FAM78B: variants seen among roughly 807,000 people sequenced by gnomAD.
FAM78B encodes family with sequence similarity 78 member B.
In FAM78B, 10 loss-of-function variants were observed where a neutral mutation model predicts 20.0. That is an observed-to-expected ratio of 0.50 (90% confidence interval 0.31 to 0.85). The LOEUF is 0.85. Ranked by LOEUF, FAM78B falls within the 40% of genes least tolerant of loss-of-function variation. FAM78B has a pLI of 0.05. For synonymous variants in FAM78B, 135 were observed against 132.8 expected, an observed-to-expected ratio of 1.02 and a Z score of -0.12; for missense variants, 283 against 345.0, an observed-to-expected ratio of 0.82 and a Z score of 1.42.
Position 166,161,742 on chromosome 1 carries a change from G to A in FAM78B, c.263+4244C>T, listed in dbSNP as rs548006436. ...GGGTGACATACAGATGGTTTCGCTT[G>A]AGCAACTCAAAGAGTGGAGGTGTTG... On this transcript the variant is annotated intron_variant, in intron 1 of 1. Coordinates refer to ENST00000354422, the MANE Select transcript of FAM78B (RefSeq NM_001017961.5). Among the ~76,000 whole-genome samples the A allele has an allele frequency of 1.2e-4, 18 of 152,322 alleles. No individual in the cohort carries two copies. In the East Asian group the frequency reaches 1.9e-3, roughly 16 times the overall value.
At chr1:166,148,691 C>A (rs538785560) in intron 1 of FAM78B, among the ~76,000 whole-genome samples, 2 of 152,358 alleles carry the variant, frequency 1.3e-5, no homozygotes, top group African/African-American at 4.8e-5. Context: ...AGAGAGGAGA[C>A]AACCTGTGCT....
rs1655867572 is a variant in FAM78B, at chr1:166,155,757, C to T, written c.263+10229G>A. Among the ~76,000 whole-genome samples the T allele has an allele frequency of 4.6e-5, 7 of 152,178 alleles. No individual in the cohort carries two copies. The South Asian group carries it at 1.5e-3, about 32-fold the overall frequency. ...TGCCCAGCTCAGGTGTGGGGACTGCCATTTTGGAATGGAGGCTCAGCGTGT... is the reference window on the plus strand; with the variant it reads ...TGCCCAGCTCAGGTGTGGGGACTGCTATTTTGGAATGGAGGCTCAGCGTGT... On this transcript the variant is annotated intron_variant, in intron 1 of 1. Coordinates refer to ENST00000354422, the MANE Select transcript of FAM78B (RefSeq NM_001017961.5).
chr1:166,154,767 G>A (rs956176621), intron 1 of FAM78B: 9 of 508,304 alleles, frequency 1.8e-5, no homozygotes, highest in African/African-American at 1.2e-4. Context: ...CCATGGACCT[G>A]AGTCTGAATC....
chr1:166,083,693 C>T (rs868561524), intron 1 of FAM78B, among the ~76,000 whole-genome samples: 2 of 151,848 alleles, frequency 1.3e-5, no homozygotes, highest in Non-Finnish European at 2.9e-5. Context: ...TTAGTAGAGA[C>T]GGGTTTCACT....
At chr1:166,088,742 G>C (rs907565776) in intron 1 of FAM78B, among the ~76,000 whole-genome samples, 1 of 152,144 alleles carries the variant, frequency 6.6e-6, no homozygotes, top group Non-Finnish European at 1.5e-5. Flanking sequence ...GGACTGACCC[G>C]AAGTATTTGG....
intron 1 of FAM78B, chr1:166,082,479 T>A (rs1027784903): frequency 3.3e-5 from 5 of 152,236 alleles, no homozygotes; most frequent in Admixed American, 6.5e-5. Flanking sequence ...AGTGTTGGGA[T>A]TATGGGCATA....
At chr1:166,129,998 C>T (rs1654815358) in intron 1 of FAM78B, among the ~76,000 whole-genome samples, 1 of 152,236 alleles carries the variant, frequency 6.6e-6, no homozygotes, top group Non-Finnish European at 1.5e-5. Context: ...TGGGTCACTG[C>T]TCCCTCTGAT....
chr1:166,166,553 G>C lies in FAM78B; in HGVS notation c.-305C>G, dbSNP rs1381196882. The C allele has an allele frequency of 6.6e-6, 1 of 151,624 alleles. No homozygotes were observed. The highest frequency in any genetic ancestry group is 1.5e-5 in the Non-Finnish European group (1 of 68,220). 9.4% of individuals were successfully genotyped at this position (151,624 alleles called of 1,614,324 possible). On this transcript the variant is annotated 5_prime_UTR_variant, in exon 1 of 2. Coordinates refer to ENST00000354422, the MANE Select transcript of FAM78B (RefSeq NM_001017961.5). ...GGCTCCAGCGCCCGGGCGGAGGGCA[G>C]GGAGGGGAGCGGCGCTGCGAGGAAT...
chr1:166,124,974 T>C (rs1482011158), intron 1 of FAM78B, among the ~76,000 whole-genome samples: 3 of 152,236 alleles, frequency 2.0e-5, no homozygotes, highest in African/African-American at 7.2e-5. Context: ...AAATGTCTCT[T>C]CCCAACTCAG....
intron 1 of FAM78B, among the ~76,000 whole-genome samples, chr1:166,078,304 C>T (rs1405440904): frequency 6.6e-6 from 1 of 152,112 alleles, no homozygotes; most frequent in East Asian, 1.9e-4. Flanking sequence ...GCTGGGATTA[C>T]AGGCGTGAGC....
chr1:166,123,830 C>T (rs1319107044), intron 1 of FAM78B, among the ~76,000 whole-genome samples: 1 of 152,174 alleles, frequency 6.6e-6, no homozygotes, highest in Non-Finnish European at 1.5e-5. Flanking sequence ...AATTCTTCCA[C>T]CCCAGCTCCA....
chr1:166,109,262 G>T (rs1653903899), intron 1 of FAM78B, among the ~76,000 whole-genome samples: 1 of 152,066 alleles, frequency 6.6e-6, no homozygotes, highest in Non-Finnish European at 1.5e-5. Flanking sequence ...CTATACATCT[G>T]ACAAAGGACT....
In FAM78B at chr1:166,070,585, A is replaced by T. The variant is rs1219418533; in HGVS notation, c.442T>A (p.Trp148Arg). Residue 148 changes from tryptophan (W) to arginine (R), a missense_variant, in exon 2 of 2, where the codon TGG becomes AGG. By Grantham distance (101) the Trp-to-Arg change is moderately radical (BLOSUM62 -3). Transcript: ENST00000354422. Reference protein sequence around the residue: ...MNDNFYPSVTWAVPVSDSNVP... With the variant: ...MNDNFYPSVTRAVPVSDSNVP... ...TTGCTGTCACTCACAGGCACTGCCC[A>T]TGTCACACTGGGGTAGAAGTTGTCA... is the stretch of plus-strand genomic sequence containing the variant. The T allele has an allele frequency of 6.2e-7, 1 of 1,613,844 alleles. No individual in the cohort carries two copies.
At chr1:166,076,910 G>C (rs2101716664) in intron 1 of FAM78B, among the ~76,000 whole-genome samples, 1 of 152,272 alleles carries the variant, frequency 6.6e-6, no homozygotes, top group East Asian at 1.9e-4. Flanking sequence ...CCATCTGCAT[G>C]GAGAGGATCA....
chr1:166,166,020 T>A lies in FAM78B; in HGVS notation c.229A>T (p.Met77Leu). The A allele has an allele frequency of 6.2e-7, 1 of 1,605,510 alleles. No individual in the cohort carries two copies. The highest frequency in any genetic ancestry group is 1.3e-5 in the African/African-American group (1 of 74,544). ...TCGCTGTAGGTGTTGAAGAACTCCA[T>A]CTGATTGCACGCCTGAATCCAGCCC... ...VVGWIQACNQ[M>L]EFFNTYSDLG... The change falls in exon 1 of 2, where the codon ATG (methionine) becomes TTG (leucine). Residue 77 changes from methionine to leucine, a missense_variant. Transcript: ENST00000354422.
chr1:166,112,024 C>T (rs1384609992), intron 1 of FAM78B, among the ~76,000 whole-genome samples: 1 of 152,200 alleles, frequency 6.6e-6, no homozygotes, highest in Non-Finnish European at 1.5e-5. Context: ...TGACTCAGTG[C>T]TGTGTCCTTC....
chr1:166,135,851 C>G (rs1655046739), intron 1 of FAM78B, among the ~76,000 whole-genome samples: 2 of 152,314 alleles, frequency 1.3e-5, no homozygotes, highest in South Asian at 2.1e-4. Flanking sequence ...TAGTCACATT[C>G]TGTGTGTGTT....
At chr1:166,116,063 C>T (rs1264879751) in intron 1 of FAM78B, among the ~76,000 whole-genome samples, 2 of 152,216 alleles carry the variant, frequency 1.3e-5, no homozygotes, top group Non-Finnish European at 2.9e-5. Flanking sequence ...TAGCACCTCT[C>T]CTTGCACCCA....
At chr1:166,100,552 G>T (rs144733992) in intron 1 of FAM78B, among the ~76,000 whole-genome samples, 3,144 of 152,344 alleles carry the variant, frequency 0.021, 46 homozygotes, top group Non-Finnish European at 0.032. Context: ...TATATCCCAT[G>T]CATGGCTCAG....
Sources: gnomAD v4.1 joint callset for allele counts (sites outside exome capture counted in the v4.1 genomes callset) on GRCh38, gnomAD v4.1.1 for gene constraint, MANE v1.5 for transcripts, NCBI Gene and HGNC (gene_info 2026-07-23, HGNC 2026-07-21) for gene names.